The following CASR variants were observed in gnomAD, a reference collection of about 807,000 sequenced individuals.
The protein encoded by CASR is calcium sensing receptor.
CASR carries 23 observed loss-of-function variants against 69.1 expected under a neutral mutation model. The ratio of observed to expected loss-of-function variants is 0.33; its 90% CI spans 0.24 to 0.47. The LOEUF (loss-of-function observed/expected upper bound fraction) is 0.47. Among genes scored for constraint, CASR ranks in the 20% least tolerant of loss-of-function variants. CASR has a pLI of 1.00. For missense variants in CASR, 924 were observed against 1,356.1 expected (o/e 0.68, Z 5.00); for synonymous variants, 541 against 544.7 (o/e 0.99, Z 0.10).
At chr3:122,273,947 G>A (rs112991561) in intron 4 of CASR, among the ~76,000 whole-genome samples, 78 of 152,258 alleles carry the variant, frequency 5.1e-4, no homozygotes, top group African/African-American at 1.8e-3. Flanking sequence ...CGGAGGTGGA[G>A]GTAAAAGAAA....
intron 4 of CASR, among the ~76,000 whole-genome samples, chr3:122,264,820 A>G (rs1296223906): frequency 6.6e-6 from 1 of 152,222 alleles, no homozygotes; most frequent in Non-Finnish European, 1.5e-5. Flanking sequence ...TCTCATTATT[A>G]AGACCTATAT....
chr3:122,285,457 C>A lies in CASR; in HGVS notation c.*266C>A, dbSNP rs2107652390. Reference sequence around the variant, plus strand: ...GGTCAGATTTGCTGTTCACCCACATCTAATGTCTCTTCCTCTGTTCTATCC... The same window carrying A: ...GGTCAGATTTGCTGTTCACCCACATATAATGTCTCTTCCTCTGTTCTATCC... On this transcript the variant is annotated 3_prime_UTR_variant, in exon 7 of 7. Transcript: ENST00000639785. The A allele has an allele frequency of 2.2e-6, 1 of 453,890 alleles. No homozygotes were observed. Among genetic ancestry groups the A allele is most frequent in the Non-Finnish European group, 4.1e-6 (1 of 245,882 alleles). 28.1% of individuals were successfully genotyped at this position (453,890 alleles called of 1,614,324 possible).
At chr3:122,256,677 G>A (rs1307701870) in intron 2 of CASR, among the ~76,000 whole-genome samples, 1 of 152,022 alleles carries the variant, frequency 6.6e-6, no homozygotes, top group Non-Finnish European at 1.5e-5. Context: ...GAGTGCAGTG[G>A]CACAATCTCA....
chr3:122,251,506 G>A (rs375534818), intron 1 of CASR, among the ~76,000 whole-genome samples: 18 of 152,296 alleles, frequency 1.2e-4, no homozygotes, highest in East Asian at 9.6e-4. Context: ...TCATTCACCC[G>A]AAGGCCTACA....
At chr3:122,264,827 A>C (rs9869969) in intron 4 of CASR, among the ~76,000 whole-genome samples, 5 of 152,222 alleles carry the variant, frequency 3.3e-5, no homozygotes, top group African/African-American at 1.2e-4. Context: ...ATTAAGACCT[A>C]TATCTTCATC....
At chr3:122,274,865 G>C (rs1458328530) in intron 4 of CASR, among the ~76,000 whole-genome samples, 1 of 152,186 alleles carries the variant, frequency 6.6e-6, no homozygotes, top group African/African-American at 2.4e-5. Flanking sequence ...GTGACACAAG[G>C]CTGGCCTCAC....
intron 5 of CASR, among the ~76,000 whole-genome samples, chr3:122,280,804 G>T (rs3804595): frequency 2.0e-5 from 3 of 152,016 alleles, no homozygotes; most frequent in Admixed American, 2.0e-4. Context: ...TAGGTAGAGG[G>T]GAGACCCATT....
intron 1 of CASR, among the ~76,000 whole-genome samples, chr3:122,236,070 G>A (rs767597127): frequency 1.3e-5 from 2 of 152,178 alleles, no homozygotes; most frequent in Non-Finnish European, 2.9e-5. Flanking sequence ...CCCTGCACCC[G>A]GCCCCATGCC....
intron 4 of CASR, 132 bp from the exon 5 acceptor site, chr3:122,275,680 C>G: frequency 1.4e-6 from 1 of 729,296 alleles, no homozygotes; most frequent in South Asian, 1.5e-5. Flanking sequence ...AAAAAGCTGT[C>G]TCTTCCTCAA....
rs1390306952 is a variant in CASR at position 122,262,353 on chromosome 3, G to C, written c.1318G>C (p.Gly440Arg). The change falls in exon 4 of 7, where the codon GGG (glycine) becomes CGG (arginine). Residue 440 changes from glycine (G) to arginine (R), a missense_variant. Gly to Arg is a moderately radical substitution (Grantham distance 125). Transcript: ENST00000639785. ...GCAAGATATATATACCTGCTTACCT[G>C]GGAGAGGGCTCTTCACCAATGGCTC... The part of the protein sequence containing the change: ...ALQDIYTCLP[G>R]RGLFTNGSCA... The C allele has an allele frequency of 1.2e-6, 2 of 1,613,896 alleles. No homozygotes were observed. Among genetic ancestry groups the C allele is most frequent in the African/African-American group, 2.7e-5 (2 of 74,918 alleles).
chr3:122,218,217 T>C (rs2074135772), intron 1 of CASR, among the ~76,000 whole-genome samples: 1 of 151,840 alleles, frequency 6.6e-6, no homozygotes, highest in Non-Finnish European at 1.5e-5. Flanking sequence ...CACAGGGCCA[T>C]AGTGGTAGAG....
chr3:122,266,541 T>G (rs1265462055), intron 4 of CASR, among the ~76,000 whole-genome samples: 1 of 152,152 alleles, frequency 6.6e-6, no homozygotes, highest in Non-Finnish European at 1.5e-5. Context: ...GCAGTACTCC[T>G]ATGTTTGGAT....
chr3:122,213,202 A>G (rs2074085586), intron 1 of CASR, among the ~76,000 whole-genome samples: 1 of 152,054 alleles, frequency 6.6e-6, no homozygotes, highest in South Asian at 2.1e-4. Flanking sequence ...ATGTATTTCC[A>G]TTGTTGCACA....
At chr3:122,208,861 A>G (rs1354202649) in intron 1 of CASR, among the ~76,000 whole-genome samples, 1 of 152,230 alleles carries the variant, frequency 6.6e-6, no homozygotes, top group African/African-American at 2.4e-5. Flanking sequence ...GAAAAAGGAA[A>G]GAGTGCACGC....
intron 1 of CASR, among the ~76,000 whole-genome samples, chr3:122,241,092 C>A (rs1456475253): frequency 1.3e-5 from 2 of 151,674 alleles, no homozygotes; most frequent in Non-Finnish European, 2.9e-5. Context: ...GAAAAACTTG[C>A]AATAAATAAC....
intron 1 of CASR, among the ~76,000 whole-genome samples, chr3:122,235,152 G>A (rs2074317378): frequency 6.6e-6 from 1 of 152,194 alleles, no homozygotes; most frequent in South Asian, 2.1e-4. Flanking sequence ...ATCTGGGACT[G>A]ATGGATTGAT....
At chr3:122,204,507 A>G (rs768317810) in intron 1 of CASR, among the ~76,000 whole-genome samples, 31 of 152,104 alleles carry the variant, frequency 2.0e-4, no homozygotes, top group Non-Finnish European at 3.5e-4. Context: ...TTGATTCCAT[A>G]TTTTGGCTAT....
At chr3:122,249,572 C>T (rs190837439) in intron 1 of CASR, among the ~76,000 whole-genome samples, 142 of 152,304 alleles carry the variant, frequency 9.3e-4, no homozygotes, top group African/African-American at 3.3e-3. Flanking sequence ...ATTATCTGTC[C>T]GTACTGAAAC....
rs1027853682 is a variant in CASR, at chr3:122,289,068, C to A, written c.*3877C>A. On this transcript the variant is annotated 3_prime_UTR_variant, in exon 7 of 7. Transcript: ENST00000639785. Reference sequence around the variant, plus strand: ...TGTCTCCAAAAGGCACATTTCAAGGCAATGTTGTCTGTCGTTTTGCTCTGG... The same window carrying A: ...TGTCTCCAAAAGGCACATTTCAAGGAAATGTTGTCTGTCGTTTTGCTCTGG... 2 of 152,188 alleles carry A rather than the reference C, an allele frequency of 1.3e-5. No individual in the cohort carries two copies. Among genetic ancestry groups the A allele is most frequent in the Non-Finnish European group, 2.9e-5 (2 of 68,040 alleles). 9.4% of individuals were successfully genotyped at this position (152,188 alleles called of 1,614,324 possible).
Sources: gnomAD v4.1 joint callset for allele counts (sites outside exome capture counted in the v4.1 genomes callset) on GRCh38, gnomAD v4.1.1 for gene constraint, MANE v1.5 for transcripts, NCBI Gene and HGNC (gene_info 2026-07-23, HGNC 2026-07-21) for gene names.